The following RGL1 variants were observed in gnomAD, a reference collection of about 807,000 sequenced individuals.
RGL1 encodes ral guanine nucleotide dissociation stimulator like 1, also known as ral guanine nucleotide dissociation stimulator-like 1.
RGL1 carries 24 observed loss-of-function variants against 95.2 expected under a neutral mutation model. That is an observed-to-expected ratio of 0.25 (90% CI 0.18 to 0.35). RGL1 has a LOEUF of 0.35. Among genes scored for constraint, RGL1 ranks in the 10% least tolerant of loss-of-function variants. The pLI is 1.00. For synonymous variants in RGL1, 329 were observed against 344.9 expected (o/e 0.95, Z 0.51); for missense variants, 715 against 936.3 (o/e 0.76, Z 3.08).
intron 2 of RGL1, among the ~76,000 whole-genome samples, chr1:183,794,767 A>G (rs890592864): frequency 2.6e-5 from 4 of 152,170 alleles, no homozygotes; most frequent in African/African-American, 9.7e-5. Context: ...CTATTTCTTC[A>G]AAGGTGGTGG....
At chr1:183,796,486 C>T (rs547075236) in intron 2 of RGL1, among the ~76,000 whole-genome samples, 263 of 152,020 alleles carry the variant, frequency 1.7e-3, no homozygotes, top group Non-Finnish European at 3.0e-3. Context: ...CTTAGAAATA[C>T]GTTGTGCACG....
intron 2 of RGL1, among the ~76,000 whole-genome samples, chr1:183,763,226 C>G (rs1658797394): frequency 6.6e-6 from 1 of 152,132 alleles, no homozygotes; most frequent in Admixed American, 6.5e-5. Flanking sequence ...ACATCACACA[C>G]TGGGACCTGT....
At chr1:183,911,279 C>T (rs2102728363) in intron 14 of RGL1, among the ~76,000 whole-genome samples, 1 of 152,316 alleles carries the variant, frequency 6.6e-6, no homozygotes, top group South Asian at 2.1e-4. Context: ...TCTTTCCATG[C>T]TCAGGCAAGA....
At chr1:183,637,438 A>C (rs1230386768) in intron 1 of RGL1, among the ~76,000 whole-genome samples, 1 of 152,246 alleles carries the variant, frequency 6.6e-6, no homozygotes, top group Non-Finnish European at 1.5e-5. Context: ...TTTGAGAATC[A>C]TACTGAGAAT....
intron 3 of RGL1, among the ~76,000 whole-genome samples, chr1:183,857,259 A>G (rs1665214689): frequency 6.6e-6 from 1 of 152,200 alleles, no homozygotes; most frequent in Non-Finnish European, 1.5e-5. Flanking sequence ...CAGCCTCTTG[A>G]AGCTAGAAAA....
intron 9 of RGL1, among the ~76,000 whole-genome samples, chr1:183,895,236 G>A (rs1667622918): frequency 6.6e-6 from 1 of 152,124 alleles, no homozygotes; most frequent in South Asian, 2.1e-4. Flanking sequence ...CAACATTTAT[G>A]GAGATGGATC....
intron 2 of RGL1, among the ~76,000 whole-genome samples, chr1:183,828,652 TGTGA>T (rs1353245648): frequency 6.6e-6 from 1 of 152,230 alleles, no homozygotes; most frequent in Non-Finnish European, 1.5e-5. Context: ...CTGAGATTAT[TGTGA>T]GTATCAAATG....
At chr1:183,686,051 C>T (rs1207129877) in intron 1 of RGL1, among the ~76,000 whole-genome samples, 3 of 152,110 alleles carry the variant, frequency 2.0e-5, no homozygotes, top group African/African-American at 7.2e-5. Context: ...TATTAGTAAT[C>T]CATTGGTAAT....
chr1:183,914,219 A>G (rs1668830860), intron 15 of RGL1, among the ~76,000 whole-genome samples: 1 of 152,222 alleles, frequency 6.6e-6, no homozygotes, highest in Non-Finnish European at 1.5e-5. Context: ...GTGGAAATGT[A>G]CATTGGTCCA....
chr1:183,895,123 G>A (rs1667617023), intron 9 of RGL1, among the ~76,000 whole-genome samples: 1 of 152,172 alleles, frequency 6.6e-6, no homozygotes, highest in South Asian at 2.1e-4. Context: ...CGTATGTTCA[G>A]TGACACTCCA....
Position 183,928,250 on chromosome 1 carries a change from AT to A in RGL1, c.*1961del, listed in dbSNP as rs2102776047. The A allele has an allele frequency of 6.6e-6, 1 of 151,500 alleles. No homozygotes were observed. Among genetic ancestry groups the A allele is most frequent in the Admixed American group, 6.6e-5 (1 of 15,246 alleles). 9.4% of individuals were successfully genotyped at this position (151,500 alleles called of 1,614,324 possible). Reference sequence around the variant, plus strand: ...TGTTGTGCCCGTGTTCATCCTGTGTATTTATACTGTATATGTAGAGTCTAGA... The same window carrying A: ...TGTTGTGCCCGTGTTCATCCTGTGTATTATACTGTATATGTAGAGTCTAGA... On this transcript the variant is annotated 3_prime_UTR_variant, in exon 18 of 18. Coordinates refer to ENST00000360851, the MANE Select transcript of RGL1 (RefSeq NM_001297671.3).
At chr1:183,901,929 G>A (rs1668049876) in intron 11 of RGL1, among the ~76,000 whole-genome samples, 1 of 152,308 alleles carries the variant, frequency 6.6e-6, no homozygotes, top group South Asian at 2.1e-4. Flanking sequence ...AGAAGTAGAA[G>A]TTACTTTGCA....
chr1:183,740,817 C>T (rs1330819892), intron 1 of RGL1, among the ~76,000 whole-genome samples: 1 of 152,130 alleles, frequency 6.6e-6, no homozygotes, highest in Non-Finnish European at 1.5e-5. Context: ...TCATGATTTA[C>T]TAAATGATTG....
chr1:183,837,042 T>C (rs551297030), intron 2 of RGL1, among the ~76,000 whole-genome samples: 95 of 152,318 alleles, frequency 6.2e-4, no homozygotes, highest in Middle Eastern at 3.4e-3. Flanking sequence ...GAAGATTCCT[T>C]AATGTGGTAT....
chr1:183,806,549 T>G, intron 2 of RGL1, 64 bp downstream of exon 2: 1 of 1,144,356 alleles, frequency 8.7e-7, no homozygotes, highest in South Asian at 1.3e-5. Flanking sequence ...GTGAATATCA[T>G]TATTATTTAA....
chr1:183,855,853 G>GT (rs1466471171), intron 3 of RGL1, among the ~76,000 whole-genome samples: 2 of 152,102 alleles, frequency 1.3e-5, no homozygotes, highest in Admixed American at 1.3e-4. Context: ...ATTTATTAAT[G>GT]TTTAACTTCC....
intron 8 of RGL1, among the ~76,000 whole-genome samples, chr1:183,891,758 T>G (rs1454831978): frequency 2.4e-5 from 3 of 122,950 alleles, no homozygotes; most frequent in South Asian, 2.6e-4. Flanking sequence ...TTTTTTTTTT[T>G]TTGTTTAACT....
At chr1:183,786,243 AT>A (rs1365886960) in intron 2 of RGL1, among the ~76,000 whole-genome samples, 3 of 152,220 alleles carry the variant, frequency 2.0e-5, no homozygotes, top group Admixed American at 6.5e-5. Flanking sequence ...CTCTAAAAAA[AT>A]ATTTTAAAAA....
chr1:183,731,460 T>G (rs928018601), intron 1 of RGL1, among the ~76,000 whole-genome samples: 4 of 152,110 alleles, frequency 2.6e-5, no homozygotes, highest in African/African-American at 9.7e-5. Context: ...AGAAACTGAC[T>G]CTCAGCTTTG....
Sources: allele counts gnomAD v4.1 joint callset (sites outside exome capture counted in the v4.1 genomes callset), GRCh38; gene constraint gnomAD v4.1.1; transcripts MANE v1.5; gene names NCBI Gene and HGNC (gene_info 2026-07-23, HGNC 2026-07-21).